The following EXT2 variants were observed in gnomAD, a reference collection of about 807,000 sequenced individuals.
EXT2 encodes the protein exostosin-2.
EXT2 carries 53 observed loss-of-function variants against 81.6 expected under a neutral mutation model. The ratio of observed to expected loss-of-function variants is 0.65; its 90% CI spans 0.52 to 0.82. The LOEUF is 0.82. EXT2 is among the 40% of genes least tolerant of loss of function. EXT2 has a pLI of 0.00. For synonymous variants in EXT2, 320 were observed against 340.0 expected (o/e 0.94, Z 0.65); for missense variants, 774 against 910.2 (o/e 0.85, Z 1.93).
rs1469713014 is a variant in EXT2, at chr11:44,107,666, C to T, written c.-30-17C>T. The T allele has an allele frequency of 6.3e-7, 1 of 1,593,054 alleles. No homozygotes were observed. The highest frequency in any genetic ancestry group is 1.7e-5 in the Admixed American group (1 of 57,582). On this transcript the variant is annotated splice_polypyrimidine_tract_variant and intron_variant, in intron 1 of 13. Transcript: ENST00000533608. ...CCTAAATACTTGGTTTTTCTTATTT[C>T]TCTCCCTGGTGACCAGGAGTGTGAG...
chr11:44,206,256 G>A (rs1955581382), intron 9 of EXT2, among the ~76,000 whole-genome samples: 1 of 152,132 alleles, frequency 6.6e-6, no homozygotes, highest in Admixed American at 6.5e-5. Flanking sequence ...GGCACGTCGG[G>A]GACCTTCGGC....
chr11:44,127,825 T>G (rs1255638475), intron 6 of EXT2, among the ~76,000 whole-genome samples: 1 of 152,228 alleles, frequency 6.6e-6, no homozygotes, highest in Non-Finnish European at 1.5e-5. Flanking sequence ...CATAATGTTG[T>G]AGATGGTGGT....
chr11:44,112,832 T>C (rs1954165044), intron 3 of EXT2, among the ~76,000 whole-genome samples: 1 of 152,204 alleles, frequency 6.6e-6, no homozygotes, highest in South Asian at 2.1e-4. Context: ...TTCCTTTCTC[T>C]GCACATACAC....
chr11:44,122,305 G>A (rs933581892), intron 4 of EXT2, among the ~76,000 whole-genome samples: 2 of 152,070 alleles, frequency 1.3e-5, no homozygotes, highest in East Asian at 3.9e-4. Context: ...TTTCATTATT[G>A]AATAGCTTTA....
At chr11:44,141,329 G>T (rs1457602941) in intron 7 of EXT2, among the ~76,000 whole-genome samples, 1 of 152,014 alleles carries the variant, frequency 6.6e-6, no homozygotes, top group Non-Finnish European at 1.5e-5. Context: ...GAATATTTTT[G>T]ATCTGTGATT....
chr11:44,177,693 T>C (rs1955177934), intron 8 of EXT2, among the ~76,000 whole-genome samples: 1 of 149,826 alleles, frequency 6.7e-6, no homozygotes, highest in Non-Finnish European at 1.5e-5. Flanking sequence ...TTATCAATGT[T>C]ATAATTTTAT....
intron 5 of EXT2, among the ~76,000 whole-genome samples, chr11:44,126,376 G>T (rs964109877): frequency 1.3e-5 from 2 of 152,232 alleles, no homozygotes; most frequent in African/African-American, 4.8e-5. Context: ...CCTTTAGGGG[G>T]TCTTGTAGAA....
chr11:44,124,273 C>T (rs967243599), intron 4 of EXT2, among the ~76,000 whole-genome samples: 37 of 152,128 alleles, frequency 2.4e-4, no homozygotes, highest in African/African-American at 8.5e-4. Flanking sequence ...TGTTAGACAG[C>T]CAGGAGCAGC....
In EXT2 at chr11:44,225,118, C is replaced by T. The variant is rs531423413; in HGVS notation, c.1663-7235C>T. ...AGGGAGCACAGAATTAGAAAACCCACGACCTGATCCTGACCCATCTCTTCC... is the reference window on the plus strand; with the variant it reads ...AGGGAGCACAGAATTAGAAAACCCATGACCTGATCCTGACCCATCTCTTCC... On this transcript the variant is annotated intron_variant, in intron 10 of 13. Transcript: ENST00000533608. Among the ~76,000 whole-genome samples, 72 of 152,292 alleles carry T rather than the reference C, an allele frequency of 4.7e-4. 1 individual carries two copies. The highest frequency in any genetic ancestry group is 1.6e-3 in the African/African-American group (67 of 41,558).
At position 44,102,413 on chromosome 11, in the gene EXT2, G is replaced by T. The variant is rs529196408; in HGVS notation, c.-30-5270G>T. Among the ~76,000 whole-genome samples the T allele has an allele frequency of 1.2e-3, 187 of 151,954 alleles. 1 individual carries two copies. Among genetic ancestry groups the T allele is most frequent in the African/African-American group, 4.3e-3 (177 of 41,436 alleles). On this transcript the variant is annotated intron_variant, in intron 1 of 13. Coordinates refer to ENST00000533608, the MANE Select transcript of EXT2 (RefSeq NM_207122.2). ...TTGCCCACTGCAGTAACCAGCCTAA[G>T]AACACACTTTTTATTGGCTTTGCCC...
chr11:44,117,006 G>A (rs1193839385), intron 4 of EXT2, among the ~76,000 whole-genome samples: 1 of 115,074 alleles, frequency 8.7e-6, no homozygotes, highest in Non-Finnish European at 1.8e-5. Context: ...TTTTGCTCTT[G>A]TTGCCCAAGC....
Position 44,244,431 on chromosome 11 carries a change from T to A in EXT2, c.*144T>A. The A allele has an allele frequency of 1.3e-6, 1 of 783,644 alleles. No homozygotes were observed. The highest frequency in any genetic ancestry group is 2.1e-6 in the Non-Finnish European group (1 of 467,114). 48.5% of individuals were successfully genotyped at this position (783,644 alleles called of 1,614,324 possible). On this transcript the variant is annotated 3_prime_UTR_variant, in exon 14 of 14. Transcript: ENST00000533608. ...TGGCATGCACCCACCTAACCCACTT[T>A]CTCAAGAACAAGAACCTAGAATGAA...
Position 44,124,915 on chromosome 11 carries a change from A to G in EXT2, c.870A>G (p.Ser290=). The G allele has an allele frequency of 1.9e-6, 3 of 1,614,096 alleles. No homozygotes were observed. The highest frequency in any genetic ancestry group is 2.5e-6 in the Non-Finnish European group (3 of 1,180,002). The change falls in exon 5 of 14, where the codon TCA becomes TCG. Residue 290 remains serine (S), a synonymous_variant. Transcript: ENST00000533608. ...TACTCGATAAATGCACCAACCTCTCAGAGGGTGTCCTTTCTGTCCGTAAGC... is the reference window on the plus strand; with the variant it reads ...TACTCGATAAATGCACCAACCTCTCGGAGGGTGTCCTTTCTGTCCGTAAGC... ...VLVLDKCTNL[S]EGVLSVRKRC... is the part of the protein sequence containing the mutation.
intron 5 of EXT2, 107 bp from the exon 6 acceptor site, chr11:44,126,709 G>A (rs1478661914): frequency 1.4e-6 from 2 of 1,423,720 alleles, no homozygotes; most frequent in African/African-American, 1.4e-5. Flanking sequence ...AGATGCCTCA[G>A]TATTGCTTGG....
chr11:44,175,926 C>A (rs1955151724), intron 8 of EXT2, among the ~76,000 whole-genome samples: 1 of 152,018 alleles, frequency 6.6e-6, no homozygotes, highest in African/African-American at 2.4e-5. Flanking sequence ...ATGAGACTAA[C>A]CCAATGACTT....
intron 9 of EXT2, among the ~76,000 whole-genome samples, chr11:44,199,971 A>G (rs1327994454): frequency 6.6e-6 from 1 of 152,070 alleles, no homozygotes; most frequent in African/African-American, 2.4e-5. Context: ...GCTTTTTACT[A>G]ACAGTGGTTT....
chr11:44,186,130 T>G (rs1955307783), intron 8 of EXT2, among the ~76,000 whole-genome samples: 1 of 152,242 alleles, frequency 6.6e-6, no homozygotes, highest in Non-Finnish European at 1.5e-5. Context: ...GACCTTGTTC[T>G]AAATAATCTA....
At position 44,244,467 on chromosome 11, in the gene EXT2, C is replaced by G. The variant is rs184812009; in HGVS notation, c.*180C>G. On this transcript the variant is annotated 3_prime_UTR_variant, in exon 14 of 14. Transcript: ENST00000533608. ...AGAACCTAGAATGAATATCCAAGCA[C>G]CTCGAGCTATGCAACCTCTGTTCTT... 1.6e-6 allele frequency: 1 copy of G among 631,402 alleles called. No homozygotes were observed. The highest frequency in any genetic ancestry group is 2.6e-5 in the Admixed American group (1 of 38,548). The allele number at this position is 631,402 out of a possible 1,614,324, so 39.1% of individuals were successfully genotyped here.
chr11:44,242,570 A>G (rs1413256133), intron 13 of EXT2, among the ~76,000 whole-genome samples: 1 of 152,116 alleles, frequency 6.6e-6, no homozygotes, highest in East Asian at 1.9e-4. Flanking sequence ...TGGGCAAGTT[A>G]CTTAACCTCT....
Sources: gnomAD v4.1 joint callset for allele counts (sites outside exome capture counted in the v4.1 genomes callset) on GRCh38, gnomAD v4.1.1 for gene constraint, MANE v1.5 for transcripts, NCBI Gene and HGNC (gene_info 2026-07-23, HGNC 2026-07-21) for gene names.